The following RIMS1 variants were observed in gnomAD, a reference collection of about 807,000 sequenced individuals.
RIMS1 encodes regulating synaptic membrane exocytosis 1, also known as regulating synaptic membrane exocytosis protein 1.
RIMS1 carries 83 observed loss-of-function variants against 214.1 expected under a neutral mutation model. That is an observed-to-expected ratio of 0.39 (90% CI 0.32 to 0.47). The LOEUF is 0.47. Among genes scored for constraint, RIMS1 ranks in the 20% least tolerant of loss-of-function variants. The pLI is 0.99. For synonymous variants in RIMS1, 793 were observed against 786.8 expected (o/e 1.01, Z -0.13); for missense variants, 2,050 against 2,161.8 (o/e 0.95, Z 1.03).
intron 26 of RIMS1, among the ~76,000 whole-genome samples, chr6:72,301,339 T>A (rs1030700054): frequency 6.6e-6 from 1 of 151,692 alleles, no homozygotes; most frequent in Non-Finnish European, 1.5e-5. Flanking sequence ...TATATATGTG[T>A]GTGAAGATGT....
intron 1 of RIMS1, among the ~76,000 whole-genome samples, chr6:71,894,591 G>A (rs1771064525): frequency 2.0e-5 from 3 of 152,206 alleles, no homozygotes; most frequent in Non-Finnish European, 4.4e-5. Flanking sequence ...GTCTTTATGA[G>A]AATTCTCCTT....
At chr6:72,366,785 AC>A in intron 29 of RIMS1, 1 of 985,804 alleles carries the variant, frequency 1.0e-6, no homozygotes, top group African/African-American at 1.7e-5. Flanking sequence ...AGTTATTTAA[AC>A]CAGGTCAAAG....
At chr6:72,381,104 A>T (rs1422039547) in intron 29 of RIMS1, among the ~76,000 whole-genome samples, 2 of 152,192 alleles carry the variant, frequency 1.3e-5, no homozygotes, top group African/African-American at 4.8e-5. Flanking sequence ...AAAGCTCATG[A>T]TCGATGTGTC....
intron 1 of RIMS1, among the ~76,000 whole-genome samples, chr6:71,924,388 A>G (rs1780932059): frequency 6.6e-6 from 1 of 151,954 alleles, no homozygotes; most frequent in Non-Finnish European, 1.5e-5. Context: ...GTTCCAGTAA[A>G]GGAATTTAGG....
At chr6:72,392,488 G>A (rs2098716714) in intron 30 of RIMS1, among the ~76,000 whole-genome samples, 2 of 152,106 alleles carry the variant, frequency 1.3e-5, no homozygotes, top group Admixed American at 1.3e-4. Context: ...TAGAGCATTA[G>A]GTGTTAAATT....
intron 2 of RIMS1, among the ~76,000 whole-genome samples, chr6:72,061,916 G>A (rs1827971766): frequency 6.6e-6 from 1 of 152,180 alleles, no homozygotes; most frequent in South Asian, 2.1e-4. Flanking sequence ...TCATGGCAGT[G>A]TTCATAAATA....
At position 72,309,662 on chromosome 6, in the gene RIMS1, A is replaced by C. The variant is rs372252290; in HGVS notation, c.3963+2292A>C. ...GCATTTGACTATTTTAAAACCTATT[A>C]CTTTCAGATATAGTACTATGGCTCT... is the stretch of plus-strand genomic sequence containing the variant. On this transcript the variant is annotated intron_variant, in intron 27 of 33. Transcript: ENST00000521978. Among the ~76,000 whole-genome samples the C allele has an allele frequency of 1.6e-4, 24 of 152,118 alleles. No individual in the cohort carries two copies. In the South Asian group the frequency reaches 3.3e-3, roughly 21 times the overall value.
At chr6:72,334,353 T>A (rs2096770446) in intron 29 of RIMS1, among the ~76,000 whole-genome samples, 1 of 151,818 alleles carries the variant, frequency 6.6e-6, no homozygotes. Flanking sequence ...GAAAAATGGG[T>A]CAGTGGTTTT....
chr6:72,112,075 C>T (rs533341290), intron 4 of RIMS1, among the ~76,000 whole-genome samples: 3 of 152,136 alleles, frequency 2.0e-5, no homozygotes, highest in Non-Finnish European at 2.9e-5. Flanking sequence ...CAGCTTATTC[C>T]AGCCTTCTTC....
intron 2 of RIMS1, among the ~76,000 whole-genome samples, chr6:72,015,701 C>A (rs948638303): frequency 6.6e-6 from 1 of 151,966 alleles, no homozygotes; most frequent in Non-Finnish European, 1.5e-5. Context: ...CTGAGGCAGG[C>A]AGATCACGAG....
intron 2 of RIMS1, among the ~76,000 whole-genome samples, chr6:72,009,657 C>G (rs1387782891): frequency 6.6e-6 from 1 of 152,060 alleles, no homozygotes; most frequent in Non-Finnish European, 1.5e-5. Flanking sequence ...ACCACTGATC[C>G]CACAGAAATA....
chr6:72,126,935 C>T (rs2153836690), intron 4 of RIMS1, among the ~76,000 whole-genome samples: 1 of 152,150 alleles, frequency 6.6e-6, no homozygotes. Context: ...TGGGTATCTA[C>T]CAAAGGAAAG....
chr6:72,204,433 AG>A (rs771140143), intron 6 of RIMS1, among the ~76,000 whole-genome samples: 36 of 152,198 alleles, frequency 2.4e-4, no homozygotes, highest in Non-Finnish European at 4.3e-4. Context: ...AATCACCTCT[AG>A]AACTCTGTTC....
intron 29 of RIMS1, among the ~76,000 whole-genome samples, chr6:72,345,040 A>T (rs2097212075): frequency 6.6e-6 from 1 of 151,776 alleles, no homozygotes; most frequent in Non-Finnish European, 1.5e-5. Context: ...GATATTTTTA[A>T]CTATACTAAG....
chr6:72,305,669 A>G (rs1304466113), intron 26 of RIMS1, among the ~76,000 whole-genome samples: 3 of 152,116 alleles, frequency 2.0e-5, no homozygotes, highest in African/African-American at 7.2e-5. Context: ...TTACTGTATA[A>G]TACTCCTTTT....
chr6:72,075,318 G>A (rs1831545988), intron 2 of RIMS1, among the ~76,000 whole-genome samples: 1 of 151,862 alleles, frequency 6.6e-6, no homozygotes, highest in Non-Finnish European at 1.5e-5. Context: ...AGTTTTTCCA[G>A]GCTGGTTTTG....
chr6:72,178,730 CTAT>C (rs1459130807), intron 4 of RIMS1, among the ~76,000 whole-genome samples: 5 of 152,116 alleles, frequency 3.3e-5, no homozygotes, highest in Non-Finnish European at 5.9e-5. Flanking sequence ...GTCATTGCTG[CTAT>C]TATTATTTTT....
At chr6:72,339,311 T>A (rs1215390911) in intron 29 of RIMS1, among the ~76,000 whole-genome samples, 1 of 151,900 alleles carries the variant, frequency 6.6e-6, no homozygotes, top group Non-Finnish European at 1.5e-5. Flanking sequence ...ACTTTAAGTT[T>A]TAGGGCACAT....
intron 2 of RIMS1, among the ~76,000 whole-genome samples, chr6:72,035,573 T>C (rs886814384): frequency 6.6e-6 from 1 of 152,164 alleles, no homozygotes; most frequent in African/African-American, 2.4e-5. Context: ...CTTTTTAAGA[T>C]TAATTAGAAA....
Sources: gnomAD v4.1 joint callset for allele counts (sites outside exome capture counted in the v4.1 genomes callset) on GRCh38, gnomAD v4.1.1 for gene constraint, MANE v1.5 for transcripts, NCBI Gene and HGNC (gene_info 2026-07-23, HGNC 2026-07-21) for gene names.